CNMD: variants seen among roughly 807,000 people sequenced by gnomAD.
CNMD encodes leukocyte cell-derived chemotaxin 1.
Under a neutral mutation model 37.5 loss-of-function variants are expected in CNMD, and 30 were observed. That is an observed-to-expected ratio of 0.80 (90% CI 0.60 to 1.09). CNMD has a LOEUF of 1.09. Ranked by LOEUF, CNMD falls within the 50% of genes least tolerant of loss-of-function variation. The pLI is 0.00. For missense variants in CNMD, 398 were observed against 423.9 expected, an observed-to-expected ratio of 0.94 and a Z score of 0.54; for synonymous variants, 167 against 148.2, an observed-to-expected ratio of 1.13 and a Z score of -0.92.
At chr13:52,730,817 G>T (rs1342528460) in intron 3 of CNMD, among the ~76,000 whole-genome samples, 1 of 152,056 alleles carries the variant, frequency 6.6e-6, no homozygotes, top group Non-Finnish European at 1.5e-5. Flanking sequence ...TATCTCTCAG[G>T]GTGGAGAGCC....
chr13:52,709,747 C>T (rs940760274), intron 5 of CNMD, among the ~76,000 whole-genome samples: 33 of 152,102 alleles, frequency 2.2e-4, no homozygotes, highest in South Asian at 8.3e-4. Context: ...CTGAGGCAGG[C>T]GGATCACTTG....
rs373568654 is a variant in CNMD, at chr13:52,733,273, G to A, written c.300C>T (p.Thr100=). 6 of 1,613,854 alleles carry A rather than the reference G, an allele frequency of 3.7e-6. No homozygotes were observed. The highest frequency in any genetic ancestry group is 2.2e-5 in the South Asian group (2 of 91,086). Residue 100 remains threonine (T), a synonymous_variant, in exon 3 of 7, where the codon ACC becomes ACT. Transcript: ENST00000377962. ...MEIDAGNNLE[T]FKMGSGAEEA... ...CTTCAGCTCCACTTCCCATTTTAAA[G>A]GTCTCCAAGTTGTTCCCAGCGTCTA...
intron 5 of CNMD, among the ~76,000 whole-genome samples, chr13:52,709,207 T>G (rs555981806): frequency 6.6e-6 from 1 of 152,188 alleles, no homozygotes; most frequent in Admixed American, 6.5e-5. Context: ...TCTGGAGTTA[T>G]GAGAGTCAAC....
At chr13:52,722,333 C>G (rs762222042) in intron 4 of CNMD, among the ~76,000 whole-genome samples, 4 of 152,224 alleles carry the variant, frequency 2.6e-5, no homozygotes, top group Non-Finnish European at 4.4e-5. Flanking sequence ...GGCAAACAAT[C>G]AGGCAGTTTC....
In CNMD at chr13:52,739,361, G is replaced by A; in HGVS notation, c.73-190C>T. The stretch of plus-strand genomic sequence containing the variant: ...GGGTCCTTTGCAGTCGGGCGTGGAA[G>A]TGGGATGAGCAAACCCCGCAGCACA... On this transcript the variant is annotated intron_variant, in intron 1 of 6. Coordinates refer to ENST00000377962, the MANE Select transcript of CNMD (RefSeq NM_007015.3). This position sits in a 1 kb window ranked among gnomAD's most constrained non-coding sequence, Gnocchi z 5.4. The A allele has an allele frequency of 1.4e-6, 1 of 730,660 alleles. No homozygotes were observed. Among genetic ancestry groups the A allele is most frequent in the Non-Finnish European group, 2.1e-6 (1 of 465,772 alleles). 45.3% of individuals were successfully genotyped at this position (730,660 alleles called of 1,614,324 possible). A position where few individuals can be genotyped will look rare whatever the true frequency, so the allele number is the denominator to read the frequency against.
At chr13:52,734,739 C>T (rs1964727762) in intron 2 of CNMD, among the ~76,000 whole-genome samples, 5 of 152,120 alleles carry the variant, frequency 3.3e-5, no homozygotes, top group Admixed American at 3.3e-4. Context: ...GTCAGCCAGT[C>T]AAAACTGCAA....
rs373527320 is a variant in CNMD at position 52,703,705 on chromosome 13, G to C, written c.895C>G (p.Pro299Ala). The C allele has an allele frequency of 2.5e-6, 4 of 1,614,038 alleles. No individual in the cohort carries two copies. In the African/African-American group the frequency reaches 5.3e-5, roughly 22 times the overall value. Residue 299 changes from proline (P) to alanine (A), a missense_variant, in exon 7 of 7, where the codon CCC (proline) becomes GCC (alanine). Transcript: ENST00000377962. The stretch of plus-strand genomic sequence containing the variant: ...GGCCATGGGTAATAGCCCCCCAGGG[G>C]TTCACAGATCTTCTGGCAGTGGGTG... ...SYTHCQKICEPLGGYYPWPYN... is the reference protein window; with the variant it reads ...SYTHCQKICEALGGYYPWPYN...
At chr13:52,714,819 T>A (rs958223676) in intron 4 of CNMD, among the ~76,000 whole-genome samples, 50 of 152,180 alleles carry the variant, frequency 3.3e-4, no homozygotes, top group Admixed American at 3.0e-3. Context: ...AGCATTAGCT[T>A]TTTGTGGATT....
At chr13:52,708,433 T>G in intron 6 of CNMD, 103 bp downstream of exon 6, 1 of 1,011,530 alleles carries the variant, frequency 9.9e-7, no homozygotes. Flanking sequence ...TGCCCACCCC[T>G]GCCTCCCAAA....
At chr13:52,734,893 A>G (rs1179228394) in intron 2 of CNMD, among the ~76,000 whole-genome samples, 3 of 152,174 alleles carry the variant, frequency 2.0e-5, no homozygotes, top group Admixed American at 2.0e-4. Flanking sequence ...ACAGTGCACT[A>G]TTTTATTATC....
intron 4 of CNMD, among the ~76,000 whole-genome samples, chr13:52,722,130 G>C (rs1489134782): frequency 6.6e-6 from 1 of 151,834 alleles, no homozygotes; most frequent in Admixed American, 6.6e-5. Context: ...AGCTCATAAG[G>C]AACCAGCTGG....
rs1964843413 is a variant in CNMD, at chr13:52,739,337, G to C, written c.73-166C>G. On this transcript the variant is annotated intron_variant, in intron 1 of 6. Coordinates refer to ENST00000377962, the MANE Select transcript of CNMD (RefSeq NM_007015.3). This position sits in a 1 kb window ranked among gnomAD's most constrained non-coding sequence, Gnocchi z 5.4. ...CCCTTTCGCCGCGCTCCCTCCCGAGGGTCCTTTGCAGTCGGGCGTGGAAGT... is the reference window on the plus strand; with the variant it reads ...CCCTTTCGCCGCGCTCCCTCCCGAGCGTCCTTTGCAGTCGGGCGTGGAAGT... 1.2e-6 allele frequency: 1 copy of C among 843,898 alleles called. No homozygotes were observed. The highest frequency in any genetic ancestry group is 1.7e-6 in the Non-Finnish European group (1 of 572,656). 52.3% of individuals were successfully genotyped at this position (843,898 alleles called of 1,614,324 possible).
intron 6 of CNMD, among the ~76,000 whole-genome samples, chr13:52,706,894 T>G (rs1167522049): frequency 6.6e-6 from 1 of 152,036 alleles, no homozygotes; most frequent in Non-Finnish European, 1.5e-5. Context: ...GCATGTATTT[T>G]TAATTTAATT....
intron 3 of CNMD, among the ~76,000 whole-genome samples, chr13:52,729,449 C>G (rs879849986): frequency 6.6e-6 from 1 of 152,212 alleles, no homozygotes; most frequent in African/African-American, 2.4e-5. Flanking sequence ...AATGCAATTA[C>G]TGTGAAATGG....
chr13:52,727,263 C>T (rs770018788), intron 3 of CNMD, among the ~76,000 whole-genome samples: 2 of 151,854 alleles, frequency 1.3e-5, no homozygotes, highest in African/African-American at 2.4e-5. Flanking sequence ...AGCCAGACTC[C>T]GTCTCAAATA....
intron 3 of CNMD, among the ~76,000 whole-genome samples, chr13:52,731,218 C>T (rs956963747): frequency 3.3e-5 from 5 of 152,156 alleles, no homozygotes; most frequent in African/African-American, 1.2e-4. Flanking sequence ...CATTGGAACA[C>T]GTTTTCCAAG....
At chr13:52,723,942 C>G (rs1250314577) in intron 4 of CNMD, 55 bp downstream of exon 4, 1 of 1,092,080 alleles carries the variant, frequency 9.2e-7, no homozygotes, top group African/African-American at 1.5e-5. Context: ...AAGGGTTGTG[C>G]CTTCAAACAA....
At chr13:52,708,438 C>G in intron 6 of CNMD, 98 bp downstream of exon 6, 2 of 1,106,230 alleles carry the variant, frequency 1.8e-6, no homozygotes, top group South Asian at 3.5e-5. Flanking sequence ...ACCCCTGCCT[C>G]CCAAAGTGCT....
chr13:52,735,672 A>G (rs540105091), intron 2 of CNMD, among the ~76,000 whole-genome samples: 3 of 139,434 alleles, frequency 2.2e-5, no homozygotes, highest in African/African-American at 7.6e-5. Context: ...ATGAATTTTT[A>G]AAAAAAATCT....
Sources: gnomAD v4.1 joint callset for allele counts (sites outside exome capture counted in the v4.1 genomes callset) on GRCh38, gnomAD v4.1.1 for gene constraint, Gnocchi (gnomAD v3.1) non-coding constraint, MANE v1.5 for transcripts, NCBI Gene and HGNC (gene_info 2026-07-23, HGNC 2026-07-21) for gene names.